FHOD3: variants seen among roughly 807,000 people sequenced by gnomAD.
FHOD3 encodes formin homology 2 domain containing 3.
A neutral mutation model predicts 173.0 loss-of-function variants in FHOD3; 90 were observed. The ratio of observed to expected loss-of-function variants is 0.52; its 90% confidence interval spans 0.44 to 0.62. FHOD3 has a LOEUF of 0.62. Among genes scored for constraint, FHOD3 ranks in the 20% least tolerant of loss-of-function variants. FHOD3 has a pLI of 0.00. For synonymous variants in FHOD3, 828 were observed against 823.0 expected (o/e 1.01, Z -0.10); for missense variants, 1,945 against 2,034.7 (o/e 0.96, Z 0.85).
At position 36,461,196 on chromosome 18, in the gene FHOD3, C is replaced by T. The variant is rs374709629; in HGVS notation, c.338-40736C>T. ...CAGCCTGCTCACTCCTCTTCCATTG[C>T]TATCAGCCACTGCTTCTGAGAAAGG... On this transcript the variant is annotated intron_variant, in intron 3 of 28. Coordinates refer to ENST00000590592, the MANE Select transcript of FHOD3 (RefSeq NM_001281740.3). Among the ~76,000 whole-genome samples, 11 of 152,282 alleles carry T rather than the reference C, an allele frequency of 7.2e-5. 1 individual carries two copies. Among genetic ancestry groups the T allele is most frequent in the Admixed American group, 3.3e-4 (5 of 15,292 alleles).
chr18:36,593,026 A>G (rs2059279784), intron 6 of FHOD3, among the ~76,000 whole-genome samples: 2 of 152,346 alleles, frequency 1.3e-5, no homozygotes, highest in South Asian at 4.1e-4. Context: ...GAGTGAACTC[A>G]GAGGTCTTCC....
intron 3 of FHOD3, among the ~76,000 whole-genome samples, chr18:36,430,726 T>A (rs1309442760): frequency 1.3e-5 from 2 of 152,172 alleles, no homozygotes; most frequent in East Asian, 3.9e-4. Context: ...AGCCTCATAT[T>A]GGGGATAATA....
chr18:36,357,919 A>G (rs1018630932), intron 2 of FHOD3, among the ~76,000 whole-genome samples: 8 of 152,224 alleles, frequency 5.3e-5, no homozygotes, highest in African/African-American at 1.9e-4. Context: ...TCAGAAAAAA[A>G]GTGCTAATAT....
intron 1 of FHOD3, among the ~76,000 whole-genome samples, chr18:36,310,182 T>C (rs2144658576): frequency 6.6e-6 from 1 of 152,306 alleles, no homozygotes; most frequent in Non-Finnish European, 1.5e-5. Flanking sequence ...AGTTGGTGCT[T>C]AGTTTTACAC....
At chr18:36,470,754 C>T (rs886079476) in intron 3 of FHOD3, among the ~76,000 whole-genome samples, 8 of 152,176 alleles carry the variant, frequency 5.3e-5, no homozygotes, top group South Asian at 2.1e-4. Context: ...CTCAGATTCC[C>T]GCTCCGCGCT....
intron 3 of FHOD3, among the ~76,000 whole-genome samples, chr18:36,398,051 G>T (rs1483706964): frequency 1.3e-5 from 2 of 152,142 alleles, no homozygotes; most frequent in Admixed American, 1.3e-4. Flanking sequence ...AAACACTGGG[G>T]TTCTTCTAGT....
chr18:36,653,243 G>A, intron 12 of FHOD3, 99 bp from the exon 13 acceptor site: 1 of 939,674 alleles, frequency 1.1e-6, no homozygotes, highest in Non-Finnish European at 1.6e-6. Flanking sequence ...CTTGTACCAA[G>A]CCAGGTGGCA....
chr18:36,635,449 C>T (rs1184150828), intron 10 of FHOD3, among the ~76,000 whole-genome samples: 2 of 152,154 alleles, frequency 1.3e-5, no homozygotes, highest in Non-Finnish European at 2.9e-5. Flanking sequence ...ATGGGGAACT[C>T]ACTGGGGGAG....
chr18:36,722,978 G>A (rs2040865005), intron 19 of FHOD3, among the ~76,000 whole-genome samples: 1 of 151,918 alleles, frequency 6.6e-6, no homozygotes, highest in Non-Finnish European at 1.5e-5. Flanking sequence ...TAGAAACTCT[G>A]AACACAGCTC....
intron 5 of FHOD3, among the ~76,000 whole-genome samples, chr18:36,571,077 T>A (rs185721608): frequency 4.6e-4 from 70 of 152,210 alleles, no homozygotes; most frequent in African/African-American, 1.6e-3. Context: ...ATTGTTCTTT[T>A]TCACAAACAG....
At chr18:36,500,221 C>T (rs938208393) in intron 3 of FHOD3, among the ~76,000 whole-genome samples, 3 of 152,136 alleles carry the variant, frequency 2.0e-5, no homozygotes, top group Non-Finnish European at 2.9e-5. Flanking sequence ...CCACAGGAGC[C>T]CTCTGTTCTT....
chr18:36,360,138 C>CATGGAG (rs1351011530), intron 2 of FHOD3, among the ~76,000 whole-genome samples: 3 of 152,202 alleles, frequency 2.0e-5, no homozygotes. Context: ...AGGGCACTGT[C>CATGGAG]ATGGAGAAGG....
At chr18:36,764,423 G>A (rs1272517599) in intron 27 of FHOD3, among the ~76,000 whole-genome samples, 1 of 152,070 alleles carries the variant, frequency 6.6e-6, no homozygotes, top group African/African-American at 2.4e-5. Flanking sequence ...AGCTCTTGCA[G>A]GCTTTGTATG....
chr18:36,388,793 A>G (rs1029615818), intron 3 of FHOD3, among the ~76,000 whole-genome samples: 23 of 152,246 alleles, frequency 1.5e-4, no homozygotes, highest in Non-Finnish European at 3.2e-4. Flanking sequence ...AGATGGGAGA[A>G]TAAGGGTTTT....
intron 13 of FHOD3, among the ~76,000 whole-genome samples, chr18:36,657,243 G>A (rs1469993126): frequency 3.3e-5 from 5 of 152,174 alleles, no homozygotes; most frequent in African/African-American, 9.7e-5. Context: ...GTAGATTTGC[G>A]AGGCAAAGCT....
At chr18:36,553,189 A>C (rs1307497316) in intron 5 of FHOD3, among the ~76,000 whole-genome samples, 1 of 152,152 alleles carries the variant, frequency 6.6e-6, no homozygotes, top group African/African-American at 2.4e-5. Flanking sequence ...ATGGTGGATA[A>C]GCTTTTTGAT....
At chr18:36,334,510 G>C (rs1015420318) in intron 1 of FHOD3, among the ~76,000 whole-genome samples, 4 of 152,198 alleles carry the variant, frequency 2.6e-5, no homozygotes, top group African/African-American at 9.6e-5. Flanking sequence ...GACACAAACA[G>C]GGGGTTTTAA....
chr18:36,468,515 T>G (rs562395466), intron 3 of FHOD3, among the ~76,000 whole-genome samples: 1 of 152,158 alleles, frequency 6.6e-6, no homozygotes, highest in Non-Finnish European at 1.5e-5. Flanking sequence ...TGCCCGGAGC[T>G]CCTTCTGGCT....
intron 10 of FHOD3, among the ~76,000 whole-genome samples, chr18:36,634,735 G>A (rs1405614001): frequency 6.6e-6 from 1 of 152,146 alleles, no homozygotes; most frequent in African/African-American, 2.4e-5. Context: ...TCCTTAATAC[G>A]GTGGTGGGAG....
Sources: allele counts gnomAD v4.1 joint callset (sites outside exome capture counted in the v4.1 genomes callset), GRCh38; gene constraint gnomAD v4.1.1; transcripts MANE v1.5; gene names NCBI Gene and HGNC (gene_info 2026-07-23, HGNC 2026-07-21).